TXNL4B: variants seen among roughly 807,000 people sequenced by gnomAD.
TXNL4B encodes thioredoxin-like protein 4B.
In TXNL4B, 12 loss-of-function variants were observed where a neutral mutation model predicts 13.0. The ratio of observed to expected loss-of-function variants is 0.92; its 90% CI spans 0.59 to 1.49. The LOEUF (loss-of-function observed/expected upper bound fraction) is 1.49. TXNL4B is among the 40% of genes most tolerant of loss of function. The pLI is 0.00. For missense variants in TXNL4B, 214 were observed against 173.6 expected (o/e 1.23, Z -1.31); for synonymous variants, 59 against 58.9 (o/e 1.00, Z -0.01).
intron 3 of TXNL4B, 141 bp from the exon 4 acceptor site, chr16:72,086,943 A>C (rs1179927368): frequency 1.5e-6 from 1 of 673,222 alleles, no homozygotes; most frequent in Non-Finnish European, 2.3e-6. Context: ...CCCAACATTA[A>C]TTTTTCAATC....
intron 3 of TXNL4B, among the ~76,000 whole-genome samples, chr16:72,087,697 GCT>G (rs1337197825): frequency 6.6e-6 from 1 of 151,640 alleles, no homozygotes; most frequent in Admixed American, 6.6e-5. Context: ...ATGGAGCCTT[GCT>G]CTGTCACCAG....
At chr16:72,087,536 A>G (rs1173847510) in intron 3 of TXNL4B, 1 of 152,226 alleles carries the variant, frequency 6.6e-6, no homozygotes, top group Admixed American at 6.5e-5. Context: ...TAAAAAGTTT[A>G]AAAACTTTAA....
rs1247728926 is a variant in TXNL4B, at chr16:72,093,376, C to G, written c.-47G>C. 1 of 152,346 alleles carries G rather than the reference C, an allele frequency of 6.6e-6. No individual in the cohort carries two copies. Among genetic ancestry groups the G allele is most frequent in the African/African-American group, 2.4e-5 (1 of 41,462 alleles). The allele number at this position is 152,346 out of a possible 1,614,324, so 9.4% of individuals were successfully genotyped here. A position where few individuals can be genotyped will look rare whatever the true frequency, so the allele number is the denominator to read the frequency against. ...GGACCCCAGCACTTACCTTACTCGTCCACGCCGCCTCACTCCCTTTCACTT... is the reference window on the plus strand; with the variant it reads ...GGACCCCAGCACTTACCTTACTCGTGCACGCCGCCTCACTCCCTTTCACTT... On this transcript the variant is annotated 5_prime_UTR_variant, in exon 1 of 4. Transcript: ENST00000268483.
chr16:72,088,511 G>A (rs996130528), intron 3 of TXNL4B, among the ~76,000 whole-genome samples: 3 of 152,224 alleles, frequency 2.0e-5, no homozygotes, highest in African/African-American at 7.2e-5. Context: ...CGAAAAGCAG[G>A]AAACTTTGCA....
At position 72,093,595 on chromosome 16, in the gene TXNL4B, G is replaced by GC. The variant is rs1567600378; in HGVS notation, c.-267dup. 6.6e-6 allele frequency: 1 copy of GC among 152,282 alleles called. No individual in the cohort carries two copies. The highest frequency in any genetic ancestry group is 1.5e-5 in the Non-Finnish European group (1 of 68,090). 9.4% of individuals were successfully genotyped at this position (152,282 alleles called of 1,614,324 possible). ...AAAAGAAACTCCTGGCCGTCGGTCG[G>GC]CCCCCGCTCAACAGCCCAATAAACG... On this transcript the variant is annotated 5_prime_UTR_variant, in exon 1 of 4. Transcript: ENST00000268483.
chr16:72,086,487 T>G lies in TXNL4B; in HGVS notation c.*150A>C. The G allele has an allele frequency of 3.2e-6, 2 of 620,558 alleles. No individual in the cohort carries two copies. The highest frequency in any genetic ancestry group is 5.2e-6 in the Non-Finnish European group (2 of 382,926). The allele number at this position is 620,558 out of a possible 1,614,324, so 38.4% of individuals were successfully genotyped here. A position where few individuals can be genotyped will look rare whatever the true frequency, so the allele number is the denominator to read the frequency against. ...GTCATCAGAGAACCAGTGGGGTCTT[T>G]TCCTCAGGGGCCGGGTTTTCTACAC... On this transcript the variant is annotated 3_prime_UTR_variant, in exon 4 of 4. Coordinates refer to ENST00000268483, the MANE Select transcript of TXNL4B (RefSeq NM_017853.3).
In TXNL4B at chr16:72,090,776, C is replaced by T. The variant is rs1309925464; in HGVS notation, c.-27G>A. 1 of 1,613,414 alleles carries T rather than the reference C, an allele frequency of 6.2e-7. No individual in the cohort carries two copies. Among genetic ancestry groups the T allele is most frequent in the South Asian group, 1.1e-5 (1 of 90,946 alleles). On this transcript the variant is annotated 5_prime_UTR_variant, in exon 2 of 4. Transcript: ENST00000268483. ...TTGAAATAACCCAAATGTGAATCCTCACTGTCACTCCTGAAATAAAGGTGC... is the reference window on the plus strand; with the variant it reads ...TTGAAATAACCCAAATGTGAATCCTTACTGTCACTCCTGAAATAAAGGTGC...
At chr16:72,089,950 T>C (rs1261642227) in intron 2 of TXNL4B, 3 of 360,064 alleles carry the variant, frequency 8.3e-6, no homozygotes, top group African/African-American at 4.3e-5. Flanking sequence ...GTGGCTTCAG[T>C]GTCTACATCA....
At chr16:72,091,136 A>T (rs2041898670) in intron 1 of TXNL4B, among the ~76,000 whole-genome samples, 1 of 152,140 alleles carries the variant, frequency 6.6e-6, no homozygotes, top group Non-Finnish European at 1.5e-5. Context: ...AAGCGATGAC[A>T]CTCTCAACTT....
At chr16:72,090,864 G>A (rs1249732681) in intron 1 of TXNL4B, 78 bp from the exon 2 acceptor site, 2 of 1,139,296 alleles carry the variant, frequency 1.8e-6, no homozygotes, top group African/African-American at 3.1e-5. Flanking sequence ...AATTCACAGA[G>A]TAGCTAATGT....
intron 2 of TXNL4B, among the ~76,000 whole-genome samples, chr16:72,089,827 C>T (rs928469545): frequency 1.3e-5 from 2 of 152,192 alleles, no homozygotes; most frequent in African/African-American, 4.8e-5. Context: ...AAGGTATATG[C>T]TATCAGAGTC....
intron 3 of TXNL4B, chr16:72,087,326 T>TTTTG (rs1555535718): frequency 7.1e-6 from 1 of 141,834 alleles, no homozygotes; most frequent in East Asian, 2.1e-4. Flanking sequence ...CCTTCCAATC[T>TTTTG]TGTGTGTGTG....
At chr16:72,092,615 G>A (rs10492814) in intron 1 of TXNL4B, among the ~76,000 whole-genome samples, 75,997 of 151,922 alleles carry the variant, frequency 0.5, 20,904 homozygotes, top group African/African-American at 0.74. Context: ...ACAAACAGCA[G>A]TTCCTCCGTG....
Position 72,086,503 on chromosome 16 carries a change from T to G in TXNL4B, c.*134A>C. ...TGGGGTCTTTTCCTCAGGGGCCGGG[T>G]TTTCTACACGCAAGTCAAACCTCTT... is the stretch of plus-strand genomic sequence containing the variant. On this transcript the variant is annotated 3_prime_UTR_variant, in exon 4 of 4. Coordinates refer to ENST00000268483, the MANE Select transcript of TXNL4B (RefSeq NM_017853.3). The G allele has an allele frequency of 2.6e-6, 2 of 759,138 alleles. No homozygotes were observed. The highest frequency in any genetic ancestry group is 2.8e-5 in the South Asian group (1 of 36,184). The allele number at this position is 759,138 out of a possible 1,614,324, so 47.0% of individuals were successfully genotyped here.
Position 72,086,771 on chromosome 16 carries a change from A to G in TXNL4B, c.316T>C (p.Phe106Leu). 1 of 1,613,024 alleles carries G rather than the reference A, an allele frequency of 6.2e-7. No homozygotes were observed. The highest frequency in any genetic ancestry group is 8.5e-7 in the Non-Finnish European group (1 of 1,179,130). Residue 106 changes from phenylalanine to leucine, a missense_variant, in exon 4 of 4, where the codon TTC becomes CTC. Transcript: ENST00000268483. ...TCTATGAAGTCTTGTTTGGTTTTGA[A>G]GCTTCCCACAAACTTAGTGTGATCT... ...SPDHTKFVGS[F>L]KTKQDFIDLI...
chr16:72,086,824 C>G (rs367728363), intron 3 of TXNL4B, 22 bp from the exon 4 acceptor site: 9 of 1,526,134 alleles, frequency 5.9e-6, no homozygotes, highest in Non-Finnish European at 8.0e-6. Flanking sequence ...AGAAGAGAAA[C>G]AACTGCTCTA....
chr16:72,086,785 T>A lies in TXNL4B; in HGVS notation c.302A>T (p.Lys101Met). 2.5e-6 allele frequency: 4 copies of A among 1,611,220 alleles called. No individual in the cohort carries two copies. The highest frequency in any genetic ancestry group is 2.5e-6 in the Non-Finnish European group (3 of 1,177,750). Residue 101 changes from lysine to methionine, a missense_variant, in exon 4 of 4, where the codon AAG becomes ATG. By Grantham distance (95) the Lys-to-Met change is moderately conservative. Transcript: ENST00000268483. ...KVDYGSPDHT[K>M]FVGSFKTKQD... ...TTTGGTTTTGAAGCTTCCCACAAACTTAGTGTGATCTGGAGATCTAGACAG... is the reference window on the plus strand; with the variant it reads ...TTTGGTTTTGAAGCTTCCCACAAACATAGTGTGATCTGGAGATCTAGACAG...
intron 2 of TXNL4B, chr16:72,090,274 G>A (rs1276132931): frequency 4.4e-6 from 2 of 458,392 alleles, no homozygotes; most frequent in African/African-American, 4.0e-5. Flanking sequence ...TGACCTCTCT[G>A]GTTTTTTTTT....
intron 1 of TXNL4B, among the ~76,000 whole-genome samples, chr16:72,091,218 T>C (rs747649927): frequency 6.6e-6 from 1 of 152,156 alleles, no homozygotes; most frequent in Non-Finnish European, 1.5e-5. Context: ...ACTTTGGGGC[T>C]AGTAACAGCG....
Sources: gnomAD v4.1 joint callset for allele counts (sites outside exome capture counted in the v4.1 genomes callset) on GRCh38, gnomAD v4.1.1 for gene constraint, MANE v1.5 for transcripts, NCBI Gene and HGNC (gene_info 2026-07-23, HGNC 2026-07-21) for gene names.